ZNF91: variants seen among roughly 807,000 people sequenced by gnomAD.
ZNF91 encodes zinc finger protein 91.
A neutral mutation model predicts 12.6 loss-of-function variants in ZNF91; 7 were observed. That is an observed-to-expected ratio of 0.55 (90% CI 0.31 to 1.04). The LOEUF is 1.04. ZNF91 is among the 50% of genes least tolerant of loss of function. ZNF91 has a pLI of 0.05. For missense variants in ZNF91, 1,217 were observed against 1,385.4 expected, an observed-to-expected ratio of 0.88 and a Z score of 1.93; for synonymous variants, 453 against 462.6, an observed-to-expected ratio of 0.98 and a Z score of 0.27.
downstream of ZNF91, among the ~76,000 whole-genome samples, chr19:23,355,529 T>C (rs1251945461): frequency 6.6e-6 from 1 of 152,100 alleles, no homozygotes; most frequent in African/African-American, 2.4e-5. Context: ...AAAACCCTTC[T>C]AGGCATTGGC....
At chr19:23,344,672 T>C (rs528596853) in intron 3 of ZNF91, among the ~76,000 whole-genome samples, 1 of 152,300 alleles carries the variant, frequency 6.6e-6, no homozygotes, top group Admixed American at 6.5e-5. Context: ...CGGTGCACTT[T>C]TCTCCCTCAC....
intron 1 of ZNF91, among the ~76,000 whole-genome samples, chr19:23,387,574 T>C (rs1969912325): frequency 6.6e-6 from 1 of 151,746 alleles, no homozygotes; most frequent in Non-Finnish European, 1.5e-5. Flanking sequence ...CTAAAAAAAA[T>C]ACAATAAGAA....
intron 3 of ZNF91, among the ~76,000 whole-genome samples, chr19:23,351,285 C>T (rs1968358245): frequency 6.7e-6 from 1 of 150,248 alleles, no homozygotes; most frequent in Non-Finnish European, 1.5e-5. Flanking sequence ...GATCACACCA[C>T]TGCACTCCAG....
At chr19:23,335,437 G>A (rs1284683108), downstream of ZNF91, among the ~76,000 whole-genome samples, 1 of 152,232 alleles carries the variant, frequency 6.6e-6, no homozygotes, top group African/African-American at 2.4e-5. Context: ...AGTCTACAGA[G>A]GCAGGCAGGC....
chr19:23,329,643 G>C (rs1316447307), intron 1 of ZNF91, among the ~76,000 whole-genome samples: 2 of 152,178 alleles, frequency 1.3e-5, no homozygotes, highest in East Asian at 3.9e-4. Flanking sequence ...TTTCCACAGA[G>C]TATTTGTCTA....
At position 23,361,986 on chromosome 19, in the gene ZNF91, A is replaced by G; in HGVS notation, c.993T>C (p.Phe331=). 1 of 1,613,584 alleles carries G rather than the reference A, an allele frequency of 6.2e-7. No individual in the cohort carries two copies. The highest frequency in any genetic ancestry group is 1.3e-5 in the African/African-American group (1 of 75,050). The change falls in exon 4 of 4, where the codon TTT becomes TTC. Residue 331 remains phenylalanine, a synonymous_variant. Coordinates refer to ENST00000300619, the MANE Select transcript of ZNF91 (RefSeq NM_003430.4). ...GTTTAGCAAGGGTTGAAGAACGGCT[A>G]AAAGCTTTGCCACATTCTTCACATT... The part of the protein sequence containing the change: ...PYKCEECGKA[F]SRSSTLAKHK...
intron 1 of ZNF91, among the ~76,000 whole-genome samples, chr19:23,332,795 G>A (rs1381846176): frequency 6.6e-6 from 1 of 152,182 alleles, no homozygotes; most frequent in Non-Finnish European, 1.5e-5. Flanking sequence ...GCTTGCATAG[G>A]TCGTGTTACT....
At chr19:23,339,399 C>T (rs1184598884) in intron 3 of ZNF91, 3 of 151,958 alleles carry the variant, frequency 2.0e-5, no homozygotes, top group Non-Finnish European at 4.4e-5. Flanking sequence ...ATCTATAGAA[C>T]GAGATAGACA....
intron 3 of ZNF91, among the ~76,000 whole-genome samples, chr19:23,365,065 TA>T (rs1350465357): frequency 6.6e-6 from 1 of 151,884 alleles, no homozygotes; most frequent in Non-Finnish European, 1.5e-5. Context: ...CACCATCAAC[TA>T]GATTAACATA....
intron 3 of ZNF91, among the ~76,000 whole-genome samples, chr19:23,352,329 C>G (rs1276632326): frequency 6.6e-6 from 1 of 152,090 alleles, no homozygotes; most frequent in East Asian, 1.9e-4. Flanking sequence ...TTCCTAGGTA[C>G]AAAACTTTAG....
At chr19:23,373,376 ATATAT>A (rs1568395249) in intron 3 of ZNF91, among the ~76,000 whole-genome samples, 8 of 86,528 alleles carry the variant, frequency 9.2e-5, no homozygotes, top group African/African-American at 2.9e-4. Flanking sequence ...ATATATATAT[ATATAT>A]ATATAAATAA....
chr19:23,307,265 G>A (rs1967410715), intron 3 of ZNF91: 1 of 152,154 alleles, frequency 6.6e-6, no homozygotes, highest in Non-Finnish European at 1.5e-5. Flanking sequence ...AAGGGGCAAT[G>A]TGATATATCT....
downstream of ZNF91, chr19:23,338,022 TA>T (rs993273647): frequency 1.9e-4 from 29 of 152,226 alleles, no homozygotes; most frequent in Admixed American, 1.5e-3. Flanking sequence ...AACTAAACTT[TA>T]AAATTATCAG....
rs763232164 is a variant in ZNF91 at position 23,362,013 on chromosome 19, G to T, written c.966C>A (p.Tyr322Ter). The T allele has an allele frequency of 6.2e-7, 1 of 1,614,004 alleles. No homozygotes were observed. The highest frequency in any genetic ancestry group is 8.5e-7 in the Non-Finnish European group (1 of 1,179,964). Reference protein sequence around the residue: ...HKRIHTGEKPYKCEECGKAFS... With the variant: ...HKRIHTGEKP ...AAGCTTTGCCACATTCTTCACATTT[G>T]TAGGGTTTCTCTCCAGTATGAATTC... The change falls in exon 4 of 4, where the codon TAC becomes TAA. Residue 322 changes from tyrosine to a stop codon, truncating the protein, a stop_gained. Coordinates refer to ENST00000300619, the MANE Select transcript of ZNF91 (RefSeq NM_003430.4). LOFTEE classifies it low-confidence loss of function (END_TRUNC).
At chr19:23,389,688 G>T (rs1050170364) in intron 1 of ZNF91, among the ~76,000 whole-genome samples, 2 of 152,166 alleles carry the variant, frequency 1.3e-5, no homozygotes, top group African/African-American at 4.8e-5. Flanking sequence ...GACACCCAGA[G>T]GTTTATACTA....
chr19:23,385,422 T>G, intron 1 of ZNF91: 1 of 271,746 alleles, frequency 3.7e-6, no homozygotes, highest in Non-Finnish European at 6.8e-6. Context: ...AATATTCTTA[T>G]AAAGCATTTT....
intron 3 of ZNF91, among the ~76,000 whole-genome samples, chr19:23,344,667 C>T (rs1968185497): frequency 6.6e-6 from 1 of 152,114 alleles, no homozygotes; most frequent in Non-Finnish European, 1.5e-5. Flanking sequence ...CTAAACGGTG[C>T]ACTTTTCTCC....
At chr19:23,349,592 C>T (rs1968313479) in intron 3 of ZNF91, among the ~76,000 whole-genome samples, 1 of 152,170 alleles carries the variant, frequency 6.6e-6, no homozygotes, top group Non-Finnish European at 1.5e-5. Context: ...GTCCTCTCAA[C>T]ATAACTGTCT....
At chr19:23,378,188 T>C (rs1002397328) in intron 1 of ZNF91, among the ~76,000 whole-genome samples, 1 of 152,194 alleles carries the variant, frequency 6.6e-6, no homozygotes, top group Non-Finnish European at 1.5e-5. Context: ...CTATAATACA[T>C]GTTATTTTTC....
Sources: gnomAD v4.1 joint callset for allele counts (sites outside exome capture counted in the v4.1 genomes callset) on GRCh38, gnomAD v4.1.1 for gene constraint, MANE v1.5 for transcripts, NCBI Gene and HGNC (gene_info 2026-07-23, HGNC 2026-07-21) for gene names.